Variants in TRPM3 observed in about 807,000 individuals in gnomAD.
The protein encoded by TRPM3 is long transient receptor potential channel 3.
A neutral mutation model predicts 181.2 loss-of-function variants in TRPM3; 77 were observed. That is an observed-to-expected ratio of 0.42 (90% CI 0.35 to 0.51). The LOEUF is 0.51. Among genes scored for constraint, TRPM3 ranks in the 20% least tolerant of loss-of-function variants. TRPM3 has a pLI of 0.01. For missense variants in TRPM3, 1,759 were observed against 2,196.7 expected (o/e 0.80, Z 3.98); for synonymous variants, 745 against 796.4 (o/e 0.94, Z 1.09).
chr9:70,642,440 A>C (rs774925754), intron 9 of TRPM3, among the ~76,000 whole-genome samples: 3 of 152,212 alleles, frequency 2.0e-5, no homozygotes, highest in Non-Finnish European at 4.4e-5. Context: ...GTTCGCCAGC[A>C]GTCAAGGCCA....
At chr9:71,429,954 G>T (rs1588994756) in intron 1 of TRPM3, among the ~76,000 whole-genome samples, 1 of 152,058 alleles carries the variant, frequency 6.6e-6, no homozygotes, top group African/African-American at 2.4e-5. Flanking sequence ...TCCATGGCTT[G>T]CTCCCTCACT....
At chr9:70,808,437 T>C (rs1439217622) in intron 6 of TRPM3, among the ~76,000 whole-genome samples, 1 of 152,218 alleles carries the variant, frequency 6.6e-6, no homozygotes, top group African/African-American at 2.4e-5. Flanking sequence ...GGTCTTTAGC[T>C]TGAATAGGAA....
Position 70,536,781 on chromosome 9 carries a change from T to A in TRPM3, c.4332A>T (p.Ser1444=). 1 of 1,614,130 alleles carries A rather than the reference T, an allele frequency of 6.2e-7. No homozygotes were observed. The highest frequency in any genetic ancestry group is 8.5e-7 in the Non-Finnish European group (1 of 1,180,024). Residue 1444 remains serine, a synonymous_variant, in exon 26 of 26, where the codon TCA becomes TCT. Coordinates refer to ENST00000677713, the MANE Select transcript of TRPM3 (RefSeq NM_001366145.2). The part of the protein sequence containing the change: ...NILGLGEPSF[S]TPVPSTAPSS... ...AAGGGGCTGTGGAAGGTACTGGAGT[T>A]GAAAAGCTTGGCTCGCCCAGCCCAA...
Position 70,533,054 on chromosome 9 carries a change from A to C in TRPM3, c.*2899T>G, listed in dbSNP as rs917776885. The C allele has an allele frequency of 1.3e-5, 2 of 152,268 alleles. No individual in the cohort carries two copies. Among genetic ancestry groups the C allele is most frequent in the Non-Finnish European group, 2.9e-5 (2 of 68,046 alleles). The allele number at this position is 152,268 out of a possible 1,614,324, so 9.4% of individuals were successfully genotyped here. ...GGCTTATATATTTCACACGTTTCAC[A>C]GACGTTAGAACTTAATTTTCATGCA... On this transcript the variant is annotated 3_prime_UTR_variant, in exon 26 of 26. Transcript: ENST00000677713.
chr9:70,976,010 T>G (rs1212709933), intron 1 of TRPM3, among the ~76,000 whole-genome samples: 1 of 152,168 alleles, frequency 6.6e-6, no homozygotes, highest in Non-Finnish European at 1.5e-5. Flanking sequence ...AGCCCCTATC[T>G]CCATTCCCAG....
chr9:70,608,409 C>T lies in TRPM3; in HGVS notation c.2667+2200G>A, dbSNP rs535988677. On this transcript the variant is annotated intron_variant, in intron 19 of 25. Transcript: ENST00000677713. ...AAAAATGTAAAAACCATTCTCAGTT[C>T]GCAGGCCACAATCACAGGCCATGGG... Among the ~76,000 whole-genome samples the T allele has an allele frequency of 5.9e-5, 9 of 151,914 alleles. No individual in the cohort carries two copies. In the South Asian group the frequency reaches 8.3e-4, roughly 14 times the overall value.
At chr9:70,772,865 A>G (rs994834049) in intron 7 of TRPM3, among the ~76,000 whole-genome samples, 1 of 152,190 alleles carries the variant, frequency 6.6e-6, no homozygotes, top group African/African-American at 2.4e-5. Flanking sequence ...TGCTGCCAAC[A>G]TTGGAAGGAA....
chr9:71,293,519 T>A (rs1160757522), intron 1 of TRPM3, among the ~76,000 whole-genome samples: 1 of 151,754 alleles, frequency 6.6e-6, no homozygotes, highest in Non-Finnish European at 1.5e-5. Flanking sequence ...TATTAAGATG[T>A]GCAAATCCTT....
intron 22 of TRPM3, 90 bp downstream of exon 22, chr9:70,590,941 T>C: frequency 6.4e-7 from 1 of 1,564,732 alleles, no homozygotes; most frequent in South Asian, 1.1e-5. Context: ...GAGCCATTTA[T>C]TGAGAACAAA....
intron 1 of TRPM3, chr9:70,917,102 A>C: frequency 6.2e-7 from 1 of 1,602,190 alleles, no homozygotes; most frequent in Non-Finnish European, 8.5e-7. Context: ...TTTCAGAGAG[A>C]TGTAACACAT....
chr9:71,057,708 A>T (rs1298773723), intron 1 of TRPM3, among the ~76,000 whole-genome samples: 1 of 152,060 alleles, frequency 6.6e-6, no homozygotes, highest in South Asian at 2.1e-4. Flanking sequence ...CCAAGTTCTG[A>T]TGATAAAGTA....
At chr9:70,539,399 G>A (rs957603404) in intron 25 of TRPM3, among the ~76,000 whole-genome samples, 1 of 151,796 alleles carries the variant, frequency 6.6e-6, no homozygotes, top group Non-Finnish European at 1.5e-5. Flanking sequence ...CCCCCACCCC[G>A]ACTCTGCTTT....
chr9:70,636,382 A>C (rs17055457), intron 11 of TRPM3, among the ~76,000 whole-genome samples: 1 of 152,178 alleles, frequency 6.6e-6, no homozygotes, highest in Non-Finnish European at 1.5e-5. Context: ...TTAAAGAAAA[A>C]GCCACAGACT....
chr9:70,800,737 T>C (rs1401024929), intron 6 of TRPM3, among the ~76,000 whole-genome samples: 1 of 152,224 alleles, frequency 6.6e-6, no homozygotes, highest in Non-Finnish European at 1.5e-5. Flanking sequence ...GTATATAATA[T>C]ACAAAATATG....
chr9:71,303,469 G>A (rs2086969383), intron 1 of TRPM3, among the ~76,000 whole-genome samples: 1 of 152,194 alleles, frequency 6.6e-6, no homozygotes, highest in Non-Finnish European at 1.5e-5. Flanking sequence ...ATCTCAAGAT[G>A]GAGTATTAGA....
intron 1 of TRPM3, among the ~76,000 whole-genome samples, chr9:71,268,446 T>C (rs1463332204): frequency 1.3e-5 from 2 of 152,048 alleles, no homozygotes; most frequent in African/African-American, 2.4e-5. Flanking sequence ...ATGAGTTGAA[T>C]GATAAAATTA....
At chr9:70,765,729 T>C (rs1007435993) in intron 7 of TRPM3, among the ~76,000 whole-genome samples, 4 of 152,236 alleles carry the variant, frequency 2.6e-5, no homozygotes, top group African/African-American at 9.6e-5. Flanking sequence ...TCTTATTTTG[T>C]AACCATGTTC....
At chr9:70,768,348 G>T (rs1018225944) in intron 7 of TRPM3, among the ~76,000 whole-genome samples, 1 of 152,024 alleles carries the variant, frequency 6.6e-6, no homozygotes, top group Non-Finnish European at 1.5e-5. Context: ...TTAGGCCTTG[G>T]TGCCTGGCCA....
At chr9:71,244,975 C>T (rs926769280) in intron 1 of TRPM3, among the ~76,000 whole-genome samples, 2 of 152,136 alleles carry the variant, frequency 1.3e-5, no homozygotes, top group African/African-American at 4.8e-5. Flanking sequence ...TAGGCTTTAA[C>T]AGCACAGGCT....
Sources: allele counts gnomAD v4.1 joint callset (sites outside exome capture counted in the v4.1 genomes callset), GRCh38; gene constraint gnomAD v4.1.1; transcripts MANE v1.5; gene names NCBI Gene and HGNC (gene_info 2026-07-23, HGNC 2026-07-21).